Variants in DPYD observed in about 807,000 individuals in gnomAD.
DPYD encodes dihydropyrimidine dehydrogenase [NADP(+)].
Under a neutral mutation model 116.2 loss-of-function variants are expected in DPYD, and 109 were observed. The ratio of observed to expected loss-of-function variants is 0.94; its 90% CI spans 0.80 to 1.10. The LOEUF is 1.10. Ranked by LOEUF, DPYD falls within the 50% of genes least tolerant of loss-of-function variation. The pLI is 0.00. For synonymous variants in DPYD, 440 were observed against 432.0 expected (o/e 1.02, Z -0.23); for missense variants, 1,302 against 1,254.5 (o/e 1.04, Z -0.57).
At chr1:97,312,379 C>T (rs1047608597) in intron 16 of DPYD, among the ~76,000 whole-genome samples, 4 of 151,730 alleles carry the variant, frequency 2.6e-5, no homozygotes, top group African/African-American at 9.7e-5. Context: ...AAATGTAAAG[C>T]TCATCTTATA....
chr1:97,858,523 G>A (rs1048001583), intron 2 of DPYD, among the ~76,000 whole-genome samples: 5 of 152,036 alleles, frequency 3.3e-5, no homozygotes, highest in Non-Finnish European at 5.9e-5. Context: ...TATAAAGATA[G>A]TACATCTGTT....
intron 20 of DPYD, among the ~76,000 whole-genome samples, chr1:97,109,191 A>C (rs116559952): frequency 4.6e-5 from 7 of 152,252 alleles, no homozygotes; most frequent in Non-Finnish European, 8.8e-5. Flanking sequence ...GAAAACTCTA[A>C]AGCATTATAG....
chr1:97,904,303 TG>T (rs1673502351), intron 1 of DPYD, among the ~76,000 whole-genome samples: 1 of 152,034 alleles, frequency 6.6e-6, no homozygotes, highest in Non-Finnish European at 1.5e-5. Flanking sequence ...CAGGATCCAC[TG>T]GGTGGCAAGG....
chr1:97,105,195 G>A (rs1651046731), intron 20 of DPYD, among the ~76,000 whole-genome samples: 1 of 152,068 alleles, frequency 6.6e-6, no homozygotes, highest in South Asian at 2.1e-4. Context: ...TTGATGGCAT[G>A]TTTTAGGAGA....
intron 18 of DPYD, among the ~76,000 whole-genome samples, chr1:97,257,452 T>TATATATATATAGAGAG (rs375490078): frequency 1.8e-3 from 231 of 126,428 alleles, no homozygotes; most frequent in African/African-American, 4.5e-3. Context: ...TATATATATA[T>TATATATATATAGAGAG]AGAGAGAGAG....
chr1:97,082,254 C>T (rs888897188), intron 22 of DPYD, 76 bp downstream of exon 22: 4 of 1,579,056 alleles, frequency 2.5e-6, no homozygotes, highest in Non-Finnish European at 3.5e-6. Context: ...TCACACATAG[C>T]AACAGAAAAT....
intron 8 of DPYD, among the ~76,000 whole-genome samples, chr1:97,663,690 T>C (rs751487505): frequency 6.0e-4 from 91 of 152,194 alleles, no homozygotes; most frequent in Non-Finnish European, 1.6e-4. Flanking sequence ...TAACTACAGA[T>C]AACTAAACAC....
At chr1:97,553,605 A>G (rs925172521) in intron 11 of DPYD, among the ~76,000 whole-genome samples, 1 of 152,106 alleles carries the variant, frequency 6.6e-6, no homozygotes. Flanking sequence ...CAAACCAAAT[A>G]ACTGCTTGCC....
At chr1:97,322,089 TG>T (rs1204246146) in intron 16 of DPYD, among the ~76,000 whole-genome samples, 3 of 64,038 alleles carry the variant, frequency 4.7e-5, no homozygotes, top group South Asian at 7.4e-4. Flanking sequence ...TGTGGTGGGG[TG>T]GGGGGAGGGG....
chr1:97,127,649 C>T (rs921481310), intron 20 of DPYD, among the ~76,000 whole-genome samples: 4 of 152,070 alleles, frequency 2.6e-5, no homozygotes, highest in African/African-American at 9.7e-5. Context: ...GCTCAAAATC[C>T]CAACAATTAG....
chr1:97,647,322 G>T (rs1658322946), intron 8 of DPYD, among the ~76,000 whole-genome samples: 1 of 151,848 alleles, frequency 6.6e-6, no homozygotes, highest in Non-Finnish European at 1.5e-5. Flanking sequence ...ATATTTGGTG[G>T]CCCAAAGTGA....
intron 1 of DPYD, among the ~76,000 whole-genome samples, chr1:97,888,833 T>A (rs190039299): frequency 1.3e-5 from 2 of 152,230 alleles, no homozygotes; most frequent in African/African-American, 4.8e-5. Context: ...GAGAATTTGT[T>A]ATTAGCAGAT....
intron 11 of DPYD, among the ~76,000 whole-genome samples, chr1:97,566,186 A>G (rs753653164): frequency 6.6e-6 from 1 of 152,156 alleles, no homozygotes; most frequent in African/African-American, 2.4e-5. Flanking sequence ...TAAACTTCTC[A>G]AAGTACAATT....
chr1:97,653,910 G>A (rs1557863094), intron 8 of DPYD, among the ~76,000 whole-genome samples: 1 of 152,292 alleles, frequency 6.6e-6, no homozygotes, highest in East Asian at 1.9e-4. Flanking sequence ...TTATGAAACT[G>A]TGAGTATAGA....
chr1:97,404,876 G>A (rs12022799), intron 14 of DPYD, among the ~76,000 whole-genome samples: 17,831 of 147,828 alleles, frequency 0.12, 1,363 homozygotes, highest in South Asian at 0.27. Context: ...TACTGTTTCC[G>A]TCTTTTGTGG....
chr1:97,234,665 G>C (rs1049099809), intron 19 of DPYD, among the ~76,000 whole-genome samples, 187 bp downstream of exon 19: 20 of 152,088 alleles, frequency 1.3e-4, no homozygotes, highest in African/African-American at 4.8e-4. Flanking sequence ...CCCTCAACAG[G>C]ACAGGAAATA....
chr1:97,218,465 G>A (rs955797416), intron 19 of DPYD, among the ~76,000 whole-genome samples: 9 of 151,648 alleles, frequency 5.9e-5, no homozygotes, highest in African/African-American at 2.2e-4. Context: ...GAGGTTCTCA[G>A]AGCTTGGTTA....
At chr1:97,414,859 C>T (rs1674204844) in intron 14 of DPYD, among the ~76,000 whole-genome samples, 1 of 152,222 alleles carries the variant, frequency 6.6e-6, no homozygotes, top group African/African-American at 2.4e-5. Context: ...GGGCCAGCTT[C>T]TTCCATCTAT....
intron 18 of DPYD, among the ~76,000 whole-genome samples, chr1:97,267,891 C>G (rs1557986004): frequency 6.6e-6 from 1 of 152,026 alleles, no homozygotes; most frequent in Non-Finnish European, 1.5e-5. Context: ...CTCCTAAGTC[C>G]AAAGTCCAGA....
Sources: allele counts gnomAD v4.1 joint callset (sites outside exome capture counted in the v4.1 genomes callset), GRCh38; gene constraint gnomAD v4.1.1; transcripts MANE v1.5; gene names NCBI Gene and HGNC (gene_info 2026-07-23, HGNC 2026-07-21).